Variants in DCC observed in about 807,000 individuals in gnomAD.
DCC encodes DCC netrin 1 receptor, also known as netrin receptor DCC.
Under a neutral mutation model 172.5 loss-of-function variants are expected in DCC, and 58 were observed. That is an observed-to-expected ratio of 0.34 (90% CI 0.27 to 0.42). The LOEUF (loss-of-function observed/expected upper bound fraction) is 0.42. DCC is among the 10% of genes least tolerant of loss of function. The probability of loss-of-function intolerance (pLI) is 1.00; values close to 1 mark genes in which losing one functional copy is unlikely to be tolerated. For synonymous variants in DCC, 709 were observed against 644.5 expected (o/e 1.10, Z -1.52); for missense variants, 1,740 against 1,791.0 (o/e 0.97, Z 0.51).
chr18:53,259,853 A>G (rs1399790602), intron 12 of DCC, among the ~76,000 whole-genome samples: 1 of 152,158 alleles, frequency 6.6e-6, no homozygotes, highest in African/African-American at 2.4e-5. Context: ...TACACCAATC[A>G]GAAGTAGATT....
chr18:52,903,260 C>T (rs1174673559), intron 2 of DCC, among the ~76,000 whole-genome samples: 2 of 152,176 alleles, frequency 1.3e-5, no homozygotes, highest in Non-Finnish European at 1.5e-5. Context: ...GGCTACAGTG[C>T]AGTGGCACAG....
At chr18:53,398,203 T>A (rs895784379) in intron 18 of DCC, among the ~76,000 whole-genome samples, 14 of 152,102 alleles carry the variant, frequency 9.2e-5, no homozygotes, top group Non-Finnish European at 1.6e-4. Context: ...TTTCAAATTT[T>A]AAAAAAATGC....
At chr18:52,860,607 C>G (rs950178200) in intron 2 of DCC, among the ~76,000 whole-genome samples, 16 of 152,166 alleles carry the variant, frequency 1.1e-4, no homozygotes, top group African/African-American at 3.1e-4. Context: ...GTAGTAAGAC[C>G]ATTTGTTTGC....
At chr18:52,903,616 A>G (rs1270763722) in intron 2 of DCC, among the ~76,000 whole-genome samples, 1 of 152,246 alleles carries the variant, frequency 6.6e-6, no homozygotes, top group Non-Finnish European at 1.5e-5. Flanking sequence ...ATTCTCACCT[A>G]CATATATTAA....
chr18:53,145,310 T>C (rs1379216164), intron 7 of DCC, among the ~76,000 whole-genome samples: 1 of 152,082 alleles, frequency 6.6e-6, no homozygotes, highest in Non-Finnish European at 1.5e-5. Flanking sequence ...AGACGGGGTT[T>C]CACAGTGTTA....
intron 5 of DCC, among the ~76,000 whole-genome samples, chr18:52,975,138 C>T (rs1273322283): frequency 6.6e-6 from 1 of 152,142 alleles, no homozygotes; most frequent in Non-Finnish European, 1.5e-5. Context: ...AATAGAACAT[C>T]ACAAACTAGT....
intron 5 of DCC, among the ~76,000 whole-genome samples, chr18:52,946,607 G>A (rs2040550205): frequency 6.6e-6 from 1 of 152,086 alleles, no homozygotes; most frequent in South Asian, 2.1e-4. Context: ...AGCTACCTGA[G>A]GCATTTTCTT....
At chr18:53,370,547 G>C (rs2058050409) in intron 15 of DCC, among the ~76,000 whole-genome samples, 1 of 151,610 alleles carries the variant, frequency 6.6e-6, no homozygotes, top group Admixed American at 6.6e-5. Flanking sequence ...CACTACTTCT[G>C]CTGCAACTCA....
intron 5 of DCC, among the ~76,000 whole-genome samples, chr18:52,979,071 A>T (rs1276198859): frequency 3.3e-5 from 5 of 152,038 alleles, no homozygotes; most frequent in Non-Finnish European, 5.9e-5. Context: ...TTTTTAAAAA[A>T]TATCTCATGT....
At chr18:52,817,392 A>G (rs1196844460) in intron 2 of DCC, among the ~76,000 whole-genome samples, 1 of 152,140 alleles carries the variant, frequency 6.6e-6, no homozygotes, top group East Asian at 1.9e-4. Context: ...TATGATTTTA[A>G]TGCCAGTCCT....
intron 1 of DCC, among the ~76,000 whole-genome samples, chr18:52,572,724 T>A (rs2033328171): frequency 6.6e-6 from 1 of 152,124 alleles, no homozygotes; most frequent in East Asian, 1.9e-4. Flanking sequence ...TTGTGTACAG[T>A]TAGAAAGGTC....
At chr18:52,405,131 A>G (rs1986592970) in intron 1 of DCC, among the ~76,000 whole-genome samples, 1 of 151,068 alleles carries the variant, frequency 6.6e-6, no homozygotes, top group Admixed American at 6.6e-5. Context: ...ATATGTGTGC[A>G]TGTGTCTTTA....
chr18:52,612,045 A>G (rs1307988307), intron 1 of DCC, among the ~76,000 whole-genome samples: 6 of 152,196 alleles, frequency 3.9e-5, no homozygotes, highest in African/African-American at 7.2e-5. Flanking sequence ...TGAGGCATTC[A>G]TCCACACTTC....
chr18:52,555,780 C>A (rs8092948), intron 1 of DCC, among the ~76,000 whole-genome samples: 41,996 of 151,912 alleles, frequency 0.28, 6,606 homozygotes, highest in Middle Eastern at 0.38. Flanking sequence ...ATTCATTTAA[C>A]CTTAATGGAA....
chr18:52,513,671 TAAAACTAGGTCCCTTTCCTCC>T (rs1390790558), intron 1 of DCC, among the ~76,000 whole-genome samples: 1 of 152,132 alleles, frequency 6.6e-6, no homozygotes, highest in Admixed American at 6.6e-5. Flanking sequence ...CTTTTGGCTC[TAAAACTAGGTCCCTTTCCTCC>T]AAAACTAGGT....
At chr18:52,864,719 T>C (rs1261205352) in intron 2 of DCC, among the ~76,000 whole-genome samples, 3 of 151,850 alleles carry the variant, frequency 2.0e-5, no homozygotes, top group Non-Finnish European at 4.4e-5. Flanking sequence ...GTGTGTGTTG[T>C]TCCCCTCCGT....
intron 12 of DCC, among the ~76,000 whole-genome samples, chr18:53,236,494 G>A (rs2056204920): frequency 6.6e-6 from 1 of 152,022 alleles, no homozygotes; most frequent in South Asian, 2.1e-4. Context: ...TCTACAAATT[G>A]GAGGCTTACC....
chr18:52,915,791 AT>A (rs1167741580), intron 3 of DCC, among the ~76,000 whole-genome samples: 1 of 152,104 alleles, frequency 6.6e-6, no homozygotes, highest in African/African-American at 2.4e-5. Context: ...GAAGAAATAT[AT>A]TTATCAATTT....
At chr18:52,389,082 G>T (rs539265083) in intron 1 of DCC, among the ~76,000 whole-genome samples, 2 of 152,046 alleles carry the variant, frequency 1.3e-5, no homozygotes, top group Non-Finnish European at 2.9e-5. Context: ...ACTGCTCAGC[G>T]CTGGCTGCAT....
Sources: allele counts gnomAD v4.1 joint callset (sites outside exome capture counted in the v4.1 genomes callset), GRCh38; gene constraint gnomAD v4.1.1; transcripts MANE v1.5; gene names NCBI Gene and HGNC (gene_info 2026-07-23, HGNC 2026-07-21).